The following SCN11A variants were observed in gnomAD, a reference collection of about 807,000 sequenced individuals.
SCN11A encodes sodium voltage-gated channel alpha subunit 11, also known as sodium channel protein type 11 subunit alpha.
A neutral mutation model predicts 162.2 loss-of-function variants in SCN11A; 122 were observed. The ratio of observed to expected loss-of-function variants is 0.75; its 90% CI spans 0.65 to 0.87. The LOEUF (loss-of-function observed/expected upper bound fraction) is 0.87, where lower values mean the gene tolerates loss of function less well. Ranked by LOEUF, SCN11A falls within the 40% of genes least tolerant of loss-of-function variation. The pLI is 0.00. For synonymous variants in SCN11A, 758 were observed against 751.5 expected (o/e 1.01, Z -0.14); for missense variants, 2,015 against 2,181.6 (o/e 0.92, Z 1.52).
At chr3:38,993,374 C>T (rs754283042) in intron 2 of SCN11A, among the ~76,000 whole-genome samples, 2 of 152,200 alleles carry the variant, frequency 1.3e-5, no homozygotes, top group Non-Finnish European at 2.9e-5. Flanking sequence ...TGAGCCAAAG[C>T]TGGGTCTCAC....
At chr3:39,017,613 T>C (rs1365351491) in intron 2 of SCN11A, among the ~76,000 whole-genome samples, 1 of 151,966 alleles carries the variant, frequency 6.6e-6, no homozygotes, top group Non-Finnish European at 1.5e-5. Context: ...ATTTTTTCTG[T>C]CTCTCTCTCT....
At chr3:39,051,759 G>C (rs915619837) in intron 1 of SCN11A, among the ~76,000 whole-genome samples, 102 bp downstream of exon 1, 1 of 152,076 alleles carries the variant, frequency 6.6e-6, no homozygotes, top group Non-Finnish European at 1.5e-5. Flanking sequence ...CAGGGTCTAG[G>C]ACCACACAAG....
intron 2 of SCN11A, among the ~76,000 whole-genome samples, chr3:38,993,537 T>C (rs1437815789): frequency 2.0e-5 from 3 of 152,206 alleles, no homozygotes; most frequent in Non-Finnish European, 4.4e-5. Flanking sequence ...AAATCATGTG[T>C]TGATCGTAAC....
intron 9 of SCN11A, among the ~76,000 whole-genome samples, chr3:38,923,325 T>C (rs981477317): frequency 6.6e-6 from 1 of 152,208 alleles, no homozygotes; most frequent in Admixed American, 6.5e-5. Context: ...TTTAAATATC[T>C]ATAGACCCTT....
In SCN11A at chr3:38,846,750, A is replaced by G. The variant is rs2064670816; in HGVS notation, c.5320T>C (p.Cys1774Arg). 2.5e-6 allele frequency: 4 copies of G among 1,614,152 alleles called. No homozygotes were observed. Among genetic ancestry groups the G allele is most frequent in the Non-Finnish European group, 1.7e-6 (2 of 1,180,012 alleles). ...NGPHSPLQTLCNGDLSSFGVA... is the reference protein window; with the variant it reads ...NGPHSPLQTLRNGDLSSFGVA... ...CCAAAGCTAGACAAGTCTCCATTGC[A>G]AAGAGTCTGGAGTGGTGAATGAGGC... is the stretch of plus-strand genomic sequence containing the variant. Residue 1774 changes from cysteine (C) to arginine (R), a missense_variant, in exon 30 of 30, where the codon TGC becomes CGC. Transcript: ENST00000302328.
At chr3:38,964,274 G>A (rs1177639986) in intron 2 of SCN11A, among the ~76,000 whole-genome samples, 1 of 152,182 alleles carries the variant, frequency 6.6e-6, no homozygotes, top group Admixed American at 6.5e-5. Context: ...CTGATGAGGA[G>A]TCTGGCTTCA....
intron 14 of SCN11A, among the ~76,000 whole-genome samples, chr3:38,907,308 ATATGTGTGTG>A (rs1480563418): frequency 8.8e-4 from 30 of 33,912 alleles, no homozygotes; most frequent in African/African-American, 1.9e-3. Flanking sequence ...ATACCAACAT[ATATGTGTGTG>A]TGTGTGTGTG....
chr3:39,042,957 C>CAAAAAAAAAAAAAAAAAAAAAAAAA (rs561204433), intron 1 of SCN11A, among the ~76,000 whole-genome samples: 1 of 66,028 alleles, frequency 1.5e-5, no homozygotes, highest in Non-Finnish European at 3.4e-5. Context: ...AACTCCATCT[C>CAAAAAAAAAAAAAAAAAAAAAAAAA]AAAAAAAAAA....
chr3:38,983,105 C>A (rs1190689081), intron 2 of SCN11A, among the ~76,000 whole-genome samples: 1 of 152,136 alleles, frequency 6.6e-6, no homozygotes, highest in South Asian at 2.1e-4. Context: ...TTAGATGAGA[C>A]CATTAGCCAC....
At chr3:38,975,056 G>C (rs573630057) in intron 2 of SCN11A, among the ~76,000 whole-genome samples, 2 of 150,554 alleles carry the variant, frequency 1.3e-5, no homozygotes, top group Non-Finnish European at 3.0e-5. Flanking sequence ...GAAATCAGTA[G>C]AGTAAAATGT....
At position 38,897,207 on chromosome 3, in the gene SCN11A, C is replaced by T; in HGVS notation, c.2041G>A (p.Ala681Thr). 1 of 1,610,274 alleles carries T rather than the reference C, an allele frequency of 6.2e-7. No homozygotes were observed. Among genetic ancestry groups the T allele is most frequent in the Non-Finnish European group, 8.5e-7 (1 of 1,178,158 alleles). ...GTGTTCAAAGTTGGCCAGGATTTGG[C>T]TAACTTGAAGACCCTGAGCTGTAGA... ...SFRVLRVFKL[A>T]KSWPTLNTLI... The change falls in exon 18 of 30, where the codon GCC (alanine) becomes ACC (threonine). Residue 681 changes from alanine to threonine, a missense_variant. Transcript: ENST00000302328.
At chr3:39,008,481 G>A (rs540522384) in intron 2 of SCN11A, among the ~76,000 whole-genome samples, 11 of 152,236 alleles carry the variant, frequency 7.2e-5, no homozygotes, top group African/African-American at 2.6e-4. Context: ...GGAGACACCC[G>A]GATAACTGCT....
chr3:38,871,882 A>G (rs939272209), intron 24 of SCN11A, among the ~76,000 whole-genome samples, 174 bp from the exon 25 acceptor site: 2 of 152,078 alleles, frequency 1.3e-5, no homozygotes, highest in Non-Finnish European at 2.9e-5. Flanking sequence ...TCCCTACATA[A>G]TGGGTCCTCT....
intron 27 of SCN11A, among the ~76,000 whole-genome samples, chr3:38,864,233 T>C (rs1423222021): frequency 1.3e-5 from 2 of 152,158 alleles, no homozygotes; most frequent in East Asian, 3.9e-4. Context: ...TCCCTGATCA[T>C]TTGTGACTTC....
chr3:39,035,535 G>A (rs1420027029), intron 1 of SCN11A, among the ~76,000 whole-genome samples: 2 of 152,094 alleles, frequency 1.3e-5, no homozygotes, highest in Non-Finnish European at 2.9e-5. Context: ...ACATTAGTCT[G>A]GGCAAAATTT....
chr3:38,846,514 A>C lies in SCN11A; in HGVS notation c.*180T>G. Reference sequence around the variant, plus strand: ...ACTGGTTGTCAAGTAGCCTTATCTTATATCTCTGTAAGTATTATTTAAAAT... The same window carrying C: ...ACTGGTTGTCAAGTAGCCTTATCTTCTATCTCTGTAAGTATTATTTAAAAT... On this transcript the variant is annotated 3_prime_UTR_variant, in exon 30 of 30. Transcript: ENST00000302328. The C allele has an allele frequency of 1.7e-6, 1 of 593,488 alleles. No homozygotes were observed. Among genetic ancestry groups the C allele is most frequent in the East Asian group, 2.8e-5 (1 of 36,068 alleles). 36.8% of individuals were successfully genotyped at this position (593,488 alleles called of 1,614,324 possible).
chr3:38,948,081 G>T (rs2066545115), intron 5 of SCN11A, among the ~76,000 whole-genome samples: 1 of 152,206 alleles, frequency 6.6e-6, no homozygotes, highest in South Asian at 2.1e-4. Context: ...TTATCTGGCT[G>T]CAGGGAAAAC....
intron 14 of SCN11A, 124 bp downstream of exon 14, chr3:38,907,825 A>G: frequency 5.0e-6 from 4 of 796,112 alleles, no homozygotes; most frequent in Non-Finnish European, 8.1e-6. Context: ...GCATGAAAGT[A>G]TGTGCAAATG....
chr3:39,018,617 G>A lies in SCN11A; in HGVS notation c.-280+13763C>T, dbSNP rs145424073. The stretch of plus-strand genomic sequence containing the variant: ...GTGGATCATGAGGTCAGGAGATCAA[G>A]ACCAGCCTGGCTAACATGGTGAAAT... On this transcript the variant is annotated intron_variant, in intron 2 of 29. Transcript: ENST00000302328. Among the ~76,000 whole-genome samples, 969 of 152,246 alleles carry A rather than the reference G, an allele frequency of 6.4e-3. 15 individuals are homozygous for A. Among genetic ancestry groups the A allele is most frequent in the African/African-American group, 0.023 (942 of 41,526 alleles).
Sources: allele counts gnomAD v4.1 joint callset (sites outside exome capture counted in the v4.1 genomes callset), GRCh38; gene constraint gnomAD v4.1.1; transcripts MANE v1.5; gene names NCBI Gene and HGNC (gene_info 2026-07-23, HGNC 2026-07-21).